The following PRKG2 variants were observed in gnomAD, a reference collection of about 807,000 sequenced individuals.
PRKG2 encodes cGMP-dependent protein kinase 2.
Under a neutral mutation model 97.2 loss-of-function variants are expected in PRKG2, and 33 were observed. The observed-to-expected ratio is 0.34, with a 90% CI of 0.26 to 0.45. PRKG2 has a LOEUF of 0.45. Ranked by LOEUF, PRKG2 falls within the 20% of genes least tolerant of loss-of-function variation. The pLI is 1.00. For missense variants in PRKG2, 638 were observed against 900.0 expected, an observed-to-expected ratio of 0.71 and a Z score of 3.73; for synonymous variants, 330 against 321.8, an observed-to-expected ratio of 1.03 and a Z score of -0.27.
chr4:81,161,392 C>A (rs1749583129), intron 6 of PRKG2, among the ~76,000 whole-genome samples: 1 of 152,138 alleles, frequency 6.6e-6, no homozygotes, highest in Non-Finnish European at 1.5e-5. Context: ...CTGTAACAAC[C>A]AAAAACTTGG....
Position 81,171,730 on chromosome 4 carries a change from C to A in PRKG2, c.703G>T (p.Ala235Ser). 6.2e-7 allele frequency: 1 copy of A among 1,610,674 alleles called. No homozygotes were observed. The highest frequency in any genetic ancestry group is 8.5e-7 in the Non-Finnish European group (1 of 1,178,370). Reference protein sequence around the residue: ...IPMWTTFGELAILYNCTRTAS... With the variant: ...IPMWTTFGELSILYNCTRTAS... ...GTCCTTGTACAATTGTATAAAATGG[C>A]AAGCTCCCCAAATGTGGTCCACATA... Residue 235 changes from alanine to serine, a missense_variant, in exon 4 of 19, where the codon GCC becomes TCC. Ala to Ser is a moderately conservative substitution (Grantham distance 99, BLOSUM62 1). This residue lies in a region of PRKG2 where 332 missense variants were observed against 421.7 expected (regional missense o/e 0.79). Coordinates refer to ENST00000264399, the MANE Select transcript of PRKG2 (RefSeq NM_006259.3).
chr4:81,169,684 T>C lies in PRKG2; in HGVS notation c.827A>G (p.Gln276Arg), dbSNP rs752173745. 2.5e-6 allele frequency: 4 copies of C among 1,605,540 alleles called. No individual in the cohort carries two copies. Among genetic ancestry groups the C allele is most frequent in the Non-Finnish European group, 3.4e-6 (4 of 1,174,084 alleles). ...TTACCTTCTGAGGAAGTTTCTGTAT[T>C]GTTCATCTCTAGCTTGGGCTGTCCT... ...MRRTAQARDE[Q>R]YRNFLRSVSL... The change falls in exon 5 of 19, where the codon CAA becomes CGA. Residue 276 changes from glutamine (Q) to arginine (R), a missense_variant. Around this residue, in one of 3 missense-constraint regions of PRKG2, gnomAD observed 332 missense variants for 421.7 expected, o/e 0.79. Transcript: ENST00000264399.
intron 14 of PRKG2, among the ~76,000 whole-genome samples, chr4:81,113,523 A>G (rs1360315112): frequency 1.3e-5 from 2 of 152,164 alleles, no homozygotes; most frequent in African/African-American, 4.8e-5. Context: ...TTAATAAACT[A>G]GAAGGTTTTA....
intron 4 of PRKG2, 73 bp from the exon 5 acceptor site, chr4:81,169,841 G>T: frequency 2.1e-6 from 2 of 953,994 alleles, no homozygotes; most frequent in East Asian, 2.7e-5. Context: ...ATAAATCGAT[G>T]GATTTGTTAT....
At chr4:81,139,509 T>C (rs546191965) in intron 12 of PRKG2, among the ~76,000 whole-genome samples, 1 of 152,142 alleles carries the variant, frequency 6.6e-6, no homozygotes, top group East Asian at 1.9e-4. Flanking sequence ...GGCTCACGCC[T>C]GTAATCCCAG....
intron 6 of PRKG2, among the ~76,000 whole-genome samples, chr4:81,161,165 G>A (rs1749564565): frequency 6.6e-6 from 1 of 151,958 alleles, no homozygotes; most frequent in South Asian, 2.1e-4. Context: ...TAACAAACAT[G>A]CGTTTTATTT....
intron 2 of PRKG2, among the ~76,000 whole-genome samples, chr4:81,189,066 T>TTAAAAAAAAAAAAAAAAAAAAAAAA (rs1560615683): frequency 5.9e-5 from 1 of 17,062 alleles, no homozygotes; most frequent in Non-Finnish European, 7.7e-5. Flanking sequence ...AAAAAAATAA[T>TTAAAAAAAAAAAAAAAAAAAAAAAA]AAAAAAAAAA....
chr4:81,168,004 C>T (rs1183808857), intron 5 of PRKG2, among the ~76,000 whole-genome samples: 1 of 151,810 alleles, frequency 6.6e-6, no homozygotes, highest in Non-Finnish European at 1.5e-5. Context: ...CTATATATCA[C>T]ATAGAATATC....
At chr4:81,143,926 T>A (rs984581581) in intron 10 of PRKG2, among the ~76,000 whole-genome samples, 8 of 152,148 alleles carry the variant, frequency 5.3e-5, no homozygotes, top group African/African-American at 1.9e-4. Flanking sequence ...AATATTAATG[T>A]CTTTTTGAGC....
rs1750298783 is a variant in PRKG2, at chr4:81,169,764, A to C, written c.747T>G (p.Ile249Met). Reference sequence around the variant, plus strand: ...CTAGTGCCCATGTTTTAACATTGGTAATAGCTTTAGAAAATTCAAGAAAAC... The same window carrying C: ...CTAGTGCCCATGTTTTAACATTGGTCATAGCTTTAGAAAATTCAAGAAAAC... ...NCTRTASVKA[I>M]TNVKTWALDR... is the part of the protein sequence containing the mutation. Residue 249 changes from isoleucine (I) to methionine (M), a missense_variant, in exon 5 of 19, where the codon ATT becomes ATG. Physicochemically the swap from Ile to Met is conservative, Grantham distance 10. Coordinates refer to ENST00000264399, the MANE Select transcript of PRKG2 (RefSeq NM_006259.3). 2 of 1,593,220 alleles carry C rather than the reference A, an allele frequency of 1.3e-6. No individual in the cohort carries two copies. The highest frequency in any genetic ancestry group is 2.7e-5 in the African/African-American group (2 of 74,026).
intron 2 of PRKG2, among the ~76,000 whole-genome samples, chr4:81,191,134 G>A (rs968574612): frequency 2.7e-5 from 4 of 148,426 alleles, no homozygotes; most frequent in Non-Finnish European, 4.4e-5. Flanking sequence ...ACACACACAC[G>A]TATGTTTATT....
intron 2 of PRKG2, among the ~76,000 whole-genome samples, chr4:81,193,855 A>T (rs1176086259): frequency 6.6e-6 from 1 of 152,128 alleles, no homozygotes; most frequent in African/African-American, 2.4e-5. Flanking sequence ...AAAATAAATT[A>T]ACAAACAAAC....
At chr4:81,173,721 C>T (rs1411728776) in intron 3 of PRKG2, 4 of 151,916 alleles carry the variant, frequency 2.6e-5, no homozygotes, top group Non-Finnish European at 5.9e-5. Context: ...CTTTTATATA[C>T]TATAAATAGA....
intron 14 of PRKG2, among the ~76,000 whole-genome samples, chr4:81,112,325 G>A (rs547295227): frequency 6.6e-6 from 1 of 152,074 alleles, no homozygotes; most frequent in East Asian, 1.9e-4. Flanking sequence ...GCACATCAAC[G>A]TATTCCTCAG....
intron 6 of PRKG2, chr4:81,154,370 G>C (rs2110062588): frequency 6.6e-6 from 1 of 152,240 alleles, no homozygotes; most frequent in East Asian, 1.9e-4. Context: ...AAATGTCCCT[G>C]TCTGACAGCT....
chr4:81,128,765 C>T (rs1745859751), intron 14 of PRKG2, among the ~76,000 whole-genome samples: 1 of 152,014 alleles, frequency 6.6e-6, no homozygotes, highest in Non-Finnish European at 1.5e-5. Flanking sequence ...TAAATCTTTT[C>T]AAGAAACCAG....
chr4:81,214,676 C>T, intron 1 of PRKG2, among the ~76,000 whole-genome samples: 1 of 152,200 alleles, frequency 6.6e-6, no homozygotes. Flanking sequence ...GGCTGAGCCC[C>T]TCCCGCCCTC....
intron 2 of PRKG2, among the ~76,000 whole-genome samples, chr4:81,189,066 T>TAAAAAAAAAA: frequency 0.01 from 171 of 17,056 alleles, 8 homozygotes; most frequent in East Asian, 0.014. Flanking sequence ...AAAAAAATAA[T>TAAAAAAAAAA]AAAAAAAAAA....
intron 2 of PRKG2, among the ~76,000 whole-genome samples, chr4:81,183,390 G>A (rs985967430): frequency 3.3e-5 from 5 of 152,034 alleles, no homozygotes; most frequent in Admixed American, 1.3e-4. Context: ...ACAAGGGGTC[G>A]AGGAACTCCC....
Sources: gnomAD v4.1 joint callset for allele counts (sites outside exome capture counted in the v4.1 genomes callset) on GRCh38, gnomAD v4.1.1 for gene constraint, gnomAD v4.1.1 regional missense constraint, MANE v1.5 for transcripts, NCBI Gene and HGNC (gene_info 2026-07-23, HGNC 2026-07-21) for gene names.